CDK14: variants seen among roughly 807,000 people sequenced by gnomAD.
CDK14 encodes cyclin dependent kinase 14.
Under a neutral mutation model 60.7 loss-of-function variants are expected in CDK14, and 34 were observed. That is an observed-to-expected ratio of 0.56 (90% CI 0.43 to 0.75). The LOEUF (loss-of-function observed/expected upper bound fraction) is 0.75, where lower values mean the gene tolerates loss of function less well. Among genes scored for constraint, CDK14 ranks in the 30% least tolerant of loss-of-function variants. The pLI, the probability that CDK14 is intolerant of heterozygous loss-of-function variation, is 0.00. For synonymous variants in CDK14, 197 were observed against 203.7 expected (o/e 0.97, Z 0.28); for missense variants, 482 against 564.1 (o/e 0.85, Z 1.47).
At chr7:90,600,591 C>G (rs754593831) in intron 1 of CDK14, among the ~76,000 whole-genome samples, 2 of 152,170 alleles carry the variant, frequency 1.3e-5, no homozygotes, top group African/African-American at 2.4e-5. Flanking sequence ...GGTTTGTTAC[C>G]TTGTGCTGTA....
intron 2 of CDK14, among the ~76,000 whole-genome samples, chr7:90,609,434 G>A (rs566001710): frequency 5.9e-5 from 9 of 152,100 alleles, no homozygotes; most frequent in Non-Finnish European, 1.0e-4. Flanking sequence ...TTGGATTGTG[G>A]GGGTGGATCC....
At chr7:90,810,853 A>G (rs1157524524) in intron 5 of CDK14, among the ~76,000 whole-genome samples, 1 of 151,834 alleles carries the variant, frequency 6.6e-6, no homozygotes, top group Non-Finnish European at 1.5e-5. Context: ...TCATGAGTGA[A>G]CTCCCATTCA....
chr7:90,886,819 A>C (rs1791958998), intron 6 of CDK14, among the ~76,000 whole-genome samples: 1 of 152,220 alleles, frequency 6.6e-6, no homozygotes, highest in Admixed American at 6.5e-5. Flanking sequence ...GATTGAAAAA[A>C]AAGTTCTTTT....
At chr7:90,677,830 A>G (rs544010406) in intron 2 of CDK14, among the ~76,000 whole-genome samples, 16 of 152,262 alleles carry the variant, frequency 1.1e-4, no homozygotes, top group Non-Finnish European at 1.9e-4. Flanking sequence ...AATGGGAGCA[A>G]GTGTTACAAT....
intron 2 of CDK14, among the ~76,000 whole-genome samples, chr7:90,627,430 C>T (rs980614932): frequency 1.3e-5 from 2 of 152,136 alleles, no homozygotes; most frequent in Non-Finnish European, 2.9e-5. Flanking sequence ...CCAGGCTGGA[C>T]TCAAACTCCT....
intron 5 of CDK14, among the ~76,000 whole-genome samples, chr7:90,822,484 C>A (rs979215087): frequency 6.6e-6 from 1 of 152,120 alleles, no homozygotes; most frequent in Non-Finnish European, 1.5e-5. Flanking sequence ...CTTGGAGTCT[C>A]TTCTCTGTGA....
intron 12 of CDK14, among the ~76,000 whole-genome samples, chr7:91,094,988 A>G (rs1354527600): frequency 6.6e-6 from 1 of 152,192 alleles, no homozygotes. Context: ...TAGCGGCCAT[A>G]AAGATGTCAT....
chr7:90,955,969 T>C (rs1020056330), intron 9 of CDK14, 152 bp downstream of exon 9: 4 of 910,928 alleles, frequency 4.4e-6, no homozygotes, highest in Non-Finnish European at 6.7e-6. Flanking sequence ...TAAAACATGA[T>C]TGGGAATGTT....
chr7:90,619,628 T>C (rs955999038), intron 2 of CDK14, among the ~76,000 whole-genome samples: 3 of 152,224 alleles, frequency 2.0e-5, no homozygotes, highest in African/African-American at 7.2e-5. Context: ...TTTTTAAAGC[T>C]TGCTGTGTGA....
chr7:90,694,620 C>A (rs1801619741), intron 2 of CDK14, among the ~76,000 whole-genome samples: 1 of 152,036 alleles, frequency 6.6e-6, no homozygotes, highest in South Asian at 2.1e-4. Flanking sequence ...ATTGAATTTT[C>A]TTTTTGAATA....
intron 8 of CDK14, among the ~76,000 whole-genome samples, chr7:90,920,858 C>T (rs191125471): frequency 6.6e-6 from 1 of 152,244 alleles, no homozygotes; most frequent in East Asian, 1.9e-4. Context: ...TGAGGTAAAC[C>T]AGATGATAGT....
intron 10 of CDK14, among the ~76,000 whole-genome samples, chr7:91,018,883 G>A (rs1796368462): frequency 6.6e-6 from 1 of 152,134 alleles, no homozygotes; most frequent in Admixed American, 6.5e-5. Context: ...CCAGTTTCAG[G>A]TATTTCTTTA....
intron 5 of CDK14, among the ~76,000 whole-genome samples, chr7:90,821,561 G>A (rs1789551181): frequency 6.6e-6 from 1 of 152,168 alleles, no homozygotes; most frequent in Admixed American, 6.6e-5. Context: ...GAAACTGGAG[G>A]AGGCTTCCAC....
chr7:91,200,310 T>C (rs1802675363), intron 14 of CDK14, among the ~76,000 whole-genome samples: 1 of 152,238 alleles, frequency 6.6e-6, no homozygotes, highest in African/African-American at 2.4e-5. Flanking sequence ...ATTTTTACTT[T>C]AGAGAGATTT....
intron 4 of CDK14, among the ~76,000 whole-genome samples, chr7:90,785,434 C>A (rs1805535513): frequency 6.6e-6 from 1 of 152,064 alleles, no homozygotes; most frequent in East Asian, 1.9e-4. Context: ...GTACTTTGAG[C>A]TAAGTGGGGA....
intron 14 of CDK14, among the ~76,000 whole-genome samples, chr7:91,152,761 G>A (rs1800860918): frequency 6.6e-6 from 1 of 152,140 alleles, no homozygotes; most frequent in East Asian, 1.9e-4. Context: ...ATATGATGTA[G>A]GAGACAGAGA....
At chr7:91,180,390 T>C (rs1265837793) in intron 14 of CDK14, among the ~76,000 whole-genome samples, 1 of 152,188 alleles carries the variant, frequency 6.6e-6, no homozygotes, top group Non-Finnish European at 1.5e-5. Flanking sequence ...TTAAATATGC[T>C]CTATGCCTAT....
intron 5 of CDK14, among the ~76,000 whole-genome samples, chr7:90,794,346 G>A (rs941155959): frequency 2.6e-5 from 4 of 152,072 alleles, no homozygotes; most frequent in Admixed American, 6.6e-5. Context: ...GCAGACAACC[G>A]GTCTGACCAA....
At chr7:90,933,321 G>A (rs1793653430) in intron 8 of CDK14, among the ~76,000 whole-genome samples, 1 of 151,830 alleles carries the variant, frequency 6.6e-6, no homozygotes, top group Admixed American at 6.6e-5. Flanking sequence ...GTGCATGTCA[G>A]CAGCTACCTT....
Sources: gnomAD v4.1 joint callset for allele counts (sites outside exome capture counted in the v4.1 genomes callset) on GRCh38, gnomAD v4.1.1 for gene constraint, MANE v1.5 for transcripts, NCBI Gene and HGNC (gene_info 2026-07-23, HGNC 2026-07-21) for gene names.